Variants in TNRC18 observed in about 807,000 individuals in gnomAD.
TNRC18 encodes trinucleotide repeat-containing gene 18 protein.
A neutral mutation model predicts 226.7 loss-of-function variants in TNRC18; 69 were observed. The observed-to-expected ratio is 0.30, with a 90% CI of 0.25 to 0.37. The LOEUF is 0.37. Ranked by LOEUF, TNRC18 falls within the 10% of genes least tolerant of loss-of-function variation. The pLI is 1.00. For synonymous variants in TNRC18, 2,449 were observed against 1,927.6 expected, an observed-to-expected ratio of 1.27 and a Z score of -7.09; for missense variants, 4,754 against 4,256.6, an observed-to-expected ratio of 1.12 and a Z score of -3.25.
chr7:5,390,594 G>A lies in TNRC18; in HGVS notation c.378C>T (p.Ser126=), dbSNP rs745827402. The A allele has an allele frequency of 1.9e-6, 3 of 1,611,312 alleles. No homozygotes were observed. The highest frequency in any genetic ancestry group is 1.7e-4 in the Middle Eastern group (1 of 6,024). Residue 126 remains serine (S), a synonymous_variant, in exon 4 of 30, where the codon TCC becomes TCT. Transcript: ENST00000430969. ...FSHLPSGLYP[S]YLHLNHLEPP... ...GCTCCAGGTGGTTCAGGTGGAGGTA[G>A]GATGGGTACAGCCCACTGGGCAGGT...
chr7:5,381,890 C>A (rs1286686639), intron 5 of TNRC18, among the ~76,000 whole-genome samples: 2 of 151,964 alleles, frequency 1.3e-5, no homozygotes, highest in Non-Finnish European at 2.9e-5. Context: ...CACTTGAACC[C>A]GGGAGGCGGA....
chr7:5,345,744 C>A lies in TNRC18; in HGVS notation c.5537G>T (p.Gly1846Val). The A allele has an allele frequency of 1.3e-6, 2 of 1,548,620 alleles. No individual in the cohort carries two copies. Among genetic ancestry groups the A allele is most frequent in the Non-Finnish European group, 1.7e-6 (2 of 1,146,858 alleles). Residue 1846 changes from glycine to valine, a missense_variant, in exon 18 of 30, where the codon GGC becomes GTC. By Grantham distance (109) the Gly-to-Val change is moderately radical. Coordinates refer to ENST00000430969, the MANE Select transcript of TNRC18 (RefSeq NM_001080495.3). ...CCGCTCCCGGGCACCCAGCCTGTAG[C>A]CACCACCGCTGGCCTCGTCCTCCTC... ...LEEEDEASGG[G>V]YRLGARERAL... is the part of the protein sequence containing the mutation.
At chr7:5,380,477 A>C (rs1008275855) in intron 5 of TNRC18, among the ~76,000 whole-genome samples, 1 of 152,168 alleles carries the variant, frequency 6.6e-6, no homozygotes, top group Non-Finnish European at 1.5e-5. Context: ...CAGTCCCAGA[A>C]GCAGAAGAGA....
At chr7:5,323,812 C>T (rs1484457067) in intron 21 of TNRC18, among the ~76,000 whole-genome samples, 1 of 152,100 alleles carries the variant, frequency 6.6e-6, no homozygotes, top group African/African-American at 2.4e-5. Context: ...AGGTGATCTG[C>T]CCAACTCGGT....
At chr7:5,346,129 T>C (rs1023026326) in intron 17 of TNRC18, among the ~76,000 whole-genome samples, 1 of 152,222 alleles carries the variant, frequency 6.6e-6, no homozygotes, top group Non-Finnish European at 1.5e-5. Context: ...GGACAAGGAC[T>C]GGAGACAGCG....
intron 18 of TNRC18, among the ~76,000 whole-genome samples, chr7:5,336,009 C>A (rs1433131206): frequency 6.6e-6 from 1 of 151,964 alleles, no homozygotes; most frequent in East Asian, 1.9e-4. Context: ...GAGTTTGAGA[C>A]CAGCCTGGCC....
rs1256108412 is a variant in TNRC18 at position 5,309,998 on chromosome 7, G to A, written c.8389-630C>T. Among the ~76,000 whole-genome samples, 5 of 152,150 alleles carry A rather than the reference G, an allele frequency of 3.3e-5. No individual in the cohort carries two copies. Among genetic ancestry groups the A allele is most frequent in the South Asian group, 2.1e-4 (1 of 4,816 alleles). ...TAATATCATAGCTCACTGCAGCCTC[G>A]ATCTCCTGGGCTCAAGCCATCCTCC... On this transcript the variant is annotated intron_variant, in intron 27 of 29. Transcript: ENST00000430969. This position sits in a 1 kb window ranked among gnomAD's most constrained non-coding sequence, Gnocchi z 5.7.
At chr7:5,361,534 C>T in intron 14 of TNRC18, 60 bp downstream of exon 14, 1 of 1,435,332 alleles carries the variant, frequency 7.0e-7, no homozygotes, top group Non-Finnish European at 9.1e-7. Context: ...CTGCGTGGGG[C>T]CCGGGCTCCT....
intron 18 of TNRC18, among the ~76,000 whole-genome samples, chr7:5,340,148 G>A (rs1243783374): frequency 1.3e-5 from 2 of 152,210 alleles, no homozygotes; most frequent in Admixed American, 1.3e-4. Context: ...TAGAAGCAAG[G>A]CCTCTTGTGC....
At position 5,377,269 on chromosome 7, in the gene TNRC18, C is replaced by CA; in HGVS notation, c.2461+101dup. ...ATGCGGGAGGCAGGCCCAGGCCCCC[C>CA]AGGAAACGGCAGGCAGGAGCCAGCC... is the stretch of plus-strand genomic sequence containing the variant. On this transcript the variant is annotated intron_variant, in intron 7 of 29. Transcript: ENST00000430969. This position sits in a 1 kb window ranked among gnomAD's most constrained non-coding sequence, Gnocchi z 5.8. 1 of 1,293,320 alleles carries CA rather than the reference C, an allele frequency of 7.7e-7. No homozygotes were observed. Among genetic ancestry groups the CA allele is most frequent in the Non-Finnish European group, 1.0e-6 (1 of 957,712 alleles). The allele number at this position is 1,293,320 out of a possible 1,614,324, so 80.1% of individuals were successfully genotyped here. A position where few individuals can be genotyped will look rare whatever the true frequency, so the allele number is the denominator to read the frequency against.
At chr7:5,398,102 T>A (rs1780821678) in intron 2 of TNRC18, among the ~76,000 whole-genome samples, 1 of 151,810 alleles carries the variant, frequency 6.6e-6, no homozygotes, top group South Asian at 2.1e-4. Flanking sequence ...CTGAGCTCAA[T>A]CAATCCTCCA....
intron 2 of TNRC18, among the ~76,000 whole-genome samples, chr7:5,409,248 GA>G (rs1051042342): frequency 6.6e-6 from 1 of 150,874 alleles, no homozygotes; most frequent in African/African-American, 2.4e-5. Flanking sequence ...AAGACTCAGA[GA>G]AAACAAAGAC....
intron 27 of TNRC18, among the ~76,000 whole-genome samples, chr7:5,310,513 G>A (rs938912518): frequency 6.6e-5 from 10 of 151,400 alleles, no homozygotes; most frequent in African/African-American, 2.2e-4. Flanking sequence ...GGGATTACAG[G>A]TGTGAGCCAC....
intron 27 of TNRC18, among the ~76,000 whole-genome samples, chr7:5,310,029 C>T (rs1040088162): frequency 1.6e-4 from 24 of 152,134 alleles, no homozygotes; most frequent in African/African-American, 5.3e-4. Context: ...CCTCCTCCCT[C>T]GGCCGCCTGA....
intron 18 of TNRC18, among the ~76,000 whole-genome samples, chr7:5,343,963 G>C (rs1790916955): frequency 6.6e-6 from 1 of 152,158 alleles, no homozygotes; most frequent in African/African-American, 2.4e-5. Flanking sequence ...ACAAAGAGTA[G>C]AAACCAATGA....
chr7:5,344,691 G>C (rs185585216), intron 18 of TNRC18, among the ~76,000 whole-genome samples: 1 of 152,166 alleles, frequency 6.6e-6, no homozygotes, highest in Admixed American at 6.5e-5. Context: ...AGGATGCCGG[G>C]GGGGTCAGAA....
chr7:5,312,201 TG>T lies in TNRC18; in HGVS notation c.8388+301del, dbSNP rs71004653. On this transcript the variant is annotated intron_variant, in intron 27 of 29. Transcript: ENST00000430969. This position sits in a 1 kb window ranked among gnomAD's most constrained non-coding sequence, Gnocchi z 6.3. ...CCCTTCCACGTGGCGCCGACGCCTG[TG>T]GGTCTGTGCTGATCTTTGCACGTTT... is the stretch of plus-strand genomic sequence containing the variant. 0.013 allele frequency among the ~76,000 whole-genome samples: 1,956 copies of T among 152,300 alleles called. 21 individuals carry two copies. Among genetic ancestry groups the T allele is most frequent in the South Asian group, 0.024 (118 of 4,818 alleles).
chr7:5,377,031 G>A lies in TNRC18; in HGVS notation c.2462-38C>T. On this transcript the variant is annotated intron_variant, in intron 7 of 29. Coordinates refer to ENST00000430969, the MANE Select transcript of TNRC18 (RefSeq NM_001080495.3). The surrounding 1 kb of genome is among the most constrained non-coding windows in gnomAD (Gnocchi z 5.8). The stretch of plus-strand genomic sequence containing the variant: ...GCCCAGGCCTGAGTCAGTGCTGGGA[G>A]CCCCCAAGCGGTTTGTCCTCGGGCA... 2 of 1,547,672 alleles carry A rather than the reference G, an allele frequency of 1.3e-6. No homozygotes were observed. The highest frequency in any genetic ancestry group is 1.7e-6 in the Non-Finnish European group (2 of 1,148,210).
At chr7:5,370,244 G>T in intron 11 of TNRC18, 131 bp downstream of exon 11, 1 of 1,098,274 alleles carries the variant, frequency 9.1e-7, no homozygotes, top group Non-Finnish European at 1.3e-6. Context: ...GATCACTTGA[G>T]CCCAGGAGTT....
Sources: gnomAD v4.1 joint callset for allele counts (sites outside exome capture counted in the v4.1 genomes callset) on GRCh38, gnomAD v4.1.1 for gene constraint, Gnocchi (gnomAD v3.1) non-coding constraint, MANE v1.5 for transcripts, NCBI Gene and HGNC (gene_info 2026-07-23, HGNC 2026-07-21) for gene names.